TCF12: variants seen among roughly 807,000 people sequenced by gnomAD.
The protein encoded by TCF12 is transcription factor 12, also known as DNA-binding protein HTF4.
Under a neutral mutation model 86.0 loss-of-function variants are expected in TCF12, and 45 were observed. The observed-to-expected ratio is 0.52, with a 90% CI of 0.41 to 0.67. The LOEUF (loss-of-function observed/expected upper bound fraction) is 0.67, where lower values mean the gene tolerates loss of function less well. Among genes scored for constraint, TCF12 ranks in the 30% least tolerant of loss-of-function variants. The pLI, the probability that TCF12 is intolerant of heterozygous loss-of-function variation, is 0.00. For missense variants in TCF12, 881 were observed against 859.9 expected, an observed-to-expected ratio of 1.02 and a Z score of -0.31; for synonymous variants, 330 against 299.6, an observed-to-expected ratio of 1.10 and a Z score of -1.05.
chr15:57,249,771 G>A lies in TCF12; in HGVS notation c.1115-1579G>A, dbSNP rs573546073. 5.4e-4 allele frequency among the ~76,000 whole-genome samples: 82 copies of A among 152,090 alleles called. 1 individual carries two copies. Among genetic ancestry groups the A allele is most frequent in the Non-Finnish European group, 7.4e-4 (50 of 67,956 alleles). ...AATTAAACCTTCAACTTCCAACTTC[G>A]ATTTCTAATATAATTCAAATTGTCA... is the stretch of plus-strand genomic sequence containing the variant. On this transcript the variant is annotated intron_variant, in intron 13 of 20. Transcript: ENST00000333725.
chr15:57,063,064 G>C (rs1007906985), intron 3 of TCF12, among the ~76,000 whole-genome samples: 1 of 152,186 alleles, frequency 6.6e-6, no homozygotes, highest in Non-Finnish European at 1.5e-5. Context: ...AAATTGTTTT[G>C]TTGGTTATGG....
intron 19 of TCF12, among the ~76,000 whole-genome samples, chr15:57,276,467 T>C (rs2061400343): frequency 6.6e-6 from 1 of 152,206 alleles, no homozygotes; most frequent in Non-Finnish European, 1.5e-5. Context: ...GCATGTAGGA[T>C]AGAAAGTCGA....
At chr15:57,092,066 T>C (rs537583237) in intron 5 of TCF12, 175 bp downstream of exon 5, 3 of 494,410 alleles carry the variant, frequency 6.1e-6, no homozygotes, top group Non-Finnish European at 1.1e-5. Flanking sequence ...TCCAGAAAAT[T>C]TGGGGTCTAC....
intron 3 of TCF12, among the ~76,000 whole-genome samples, chr15:57,023,422 A>G (rs2065617660): frequency 6.6e-6 from 1 of 152,118 alleles, no homozygotes; most frequent in Non-Finnish European, 1.5e-5. Flanking sequence ...ATTCTGCTTG[A>G]AAAATACACC....
intron 11 of TCF12, 52 bp from the exon 12 acceptor site, chr15:57,233,991 A>C: frequency 6.7e-7 from 1 of 1,492,800 alleles, no homozygotes; most frequent in Non-Finnish European, 9.3e-7. Flanking sequence ...GAGTGCTAAA[A>C]TATAATACTT....
At chr15:57,179,944 A>C (rs1232368824) in intron 6 of TCF12, among the ~76,000 whole-genome samples, 2 of 152,188 alleles carry the variant, frequency 1.3e-5, no homozygotes, top group Non-Finnish European at 2.9e-5. Context: ...GCCAGTTGCT[A>C]TTGATTACTC....
At chr15:57,027,703 A>T (rs932336041) in intron 3 of TCF12, among the ~76,000 whole-genome samples, 1 of 152,132 alleles carries the variant, frequency 6.6e-6, no homozygotes, top group Admixed American at 6.5e-5. Context: ...TCCCCACCCA[A>T]ATCTCATCTT....
chr15:57,116,512 A>AT (rs2050847637), intron 5 of TCF12, among the ~76,000 whole-genome samples: 1 of 151,920 alleles, frequency 6.6e-6, no homozygotes, highest in African/African-American at 2.4e-5. Flanking sequence ...TGCCTGGCTA[A>AT]TTTTTGTAAT....
rs116610794 is a variant in TCF12, at chr15:57,092,167, C to T, written c.325+276C>T. 1,291 of 306,854 alleles carry T rather than the reference C, an allele frequency of 4.2e-3. 14 individuals carry two copies. Among genetic ancestry groups the T allele is most frequent in the African/African-American group, 0.026 (1,209 of 46,916 alleles). The allele number at this position is 306,854 out of a possible 1,614,324, so 19.0% of individuals were successfully genotyped here. On this transcript the variant is annotated intron_variant, in intron 5 of 20. Transcript: ENST00000333725. ...AATGTCTTTGTGACCTCAAGCATTA[C>T]ATGTTTTCTGGGGCAGAGAAGTATT...
chr15:57,062,063 T>C (rs28533433), intron 3 of TCF12, among the ~76,000 whole-genome samples: 37,383 of 151,898 alleles, frequency 0.25, 5,418 homozygotes, highest in East Asian at 0.4. Flanking sequence ...TTCAAGCTAT[T>C]CTCCTGCCTC....
At chr15:57,126,772 A>G (rs1179464164) in intron 5 of TCF12, among the ~76,000 whole-genome samples, 1 of 152,082 alleles carries the variant, frequency 6.6e-6, no homozygotes, top group Non-Finnish European at 1.5e-5. Context: ...TCTATGCTAC[A>G]TGTTAATGTT....
intron 6 of TCF12, 47 bp downstream of exon 6, chr15:57,166,513 T>C (rs2054905388): frequency 6.7e-7 from 1 of 1,500,430 alleles, no homozygotes; most frequent in African/African-American, 1.4e-5. Context: ...TTTAAACACA[T>C]AAATAAAGGC....
At chr15:57,051,863 C>T (rs942314364) in intron 3 of TCF12, among the ~76,000 whole-genome samples, 26 of 152,130 alleles carry the variant, frequency 1.7e-4, no homozygotes, top group African/African-American at 6.0e-4. Context: ...TGCATGTGGA[C>T]GTCCAGTTTT....
chr15:57,014,592 C>G (rs1305209391), intron 3 of TCF12, among the ~76,000 whole-genome samples: 2 of 152,034 alleles, frequency 1.3e-5, no homozygotes, highest in African/African-American at 4.8e-5. Context: ...TTTGAAAATT[C>G]CTGGGCATGA....
chr15:56,955,274 C>G (rs1320006568), intron 3 of TCF12, among the ~76,000 whole-genome samples: 2 of 152,064 alleles, frequency 1.3e-5, no homozygotes, highest in African/African-American at 4.8e-5. Context: ...AGCTGGAAAC[C>G]ATCATTCTCA....
At chr15:57,052,023 A>G (rs1291156661) in intron 3 of TCF12, among the ~76,000 whole-genome samples, 5 of 152,198 alleles carry the variant, frequency 3.3e-5, no homozygotes, top group African/African-American at 4.8e-5. Flanking sequence ...TGTCTGGACC[A>G]TACTGTTTTA....
intron 3 of TCF12, among the ~76,000 whole-genome samples, chr15:57,014,129 C>A (rs1213902734): frequency 6.6e-6 from 1 of 152,126 alleles, no homozygotes; most frequent in Non-Finnish European, 1.5e-5. Flanking sequence ...GGACCTTTGA[C>A]TCCTTGGGTC....
At chr15:57,247,793 A>G (rs1487030964) in intron 13 of TCF12, 1 of 749,892 alleles carries the variant, frequency 1.3e-6, no homozygotes, top group Non-Finnish European at 2.4e-6. Flanking sequence ...CACCTCTTCA[A>G]CACAAGAGTA....
At chr15:56,920,907 A>C (rs572913504) in intron 2 of TCF12, 119 bp from the exon 3 acceptor site, 256 of 673,680 alleles carry the variant, frequency 3.8e-4, no homozygotes, top group Non-Finnish European at 5.5e-4. Context: ...TGTATCTCCA[A>C]TTTTATTTTA....
Sources: allele counts gnomAD v4.1 joint callset (sites outside exome capture counted in the v4.1 genomes callset), GRCh38; gene constraint gnomAD v4.1.1; transcripts MANE v1.5; gene names NCBI Gene and HGNC (gene_info 2026-07-23, HGNC 2026-07-21).